HS2ST1: variants seen among roughly 807,000 people sequenced by gnomAD.
HS2ST1 encodes heparan sulfate 2-O-sulfotransferase 1.
HS2ST1 carries 18 observed loss-of-function variants against 42.9 expected under a neutral mutation model. That is an observed-to-expected ratio of 0.42 (90% confidence interval 0.29 to 0.62). The LOEUF (loss-of-function observed/expected upper bound fraction) is 0.62. Ranked by LOEUF, HS2ST1 falls within the 20% of genes least tolerant of loss-of-function variation. The pLI, the probability that HS2ST1 is intolerant of heterozygous loss-of-function variation, is 0.21. For missense variants in HS2ST1, 334 were observed against 433.8 expected, an observed-to-expected ratio of 0.77 and a Z score of 2.04; for synonymous variants, 146 against 152.9, an observed-to-expected ratio of 0.95 and a Z score of 0.33.
intron 1 of HS2ST1, among the ~76,000 whole-genome samples, chr1:87,035,331 A>G (rs1386924736): frequency 2.0e-5 from 3 of 152,222 alleles, no homozygotes; most frequent in African/African-American, 7.2e-5. Context: ...TAGTACTTCT[A>G]ATTATTCTTT....
chr1:86,943,890 G>A (rs528495507), intron 1 of HS2ST1, among the ~76,000 whole-genome samples: 41 of 152,168 alleles, frequency 2.7e-4, no homozygotes, highest in African/African-American at 9.2e-4. Flanking sequence ...GCTGGGCATG[G>A]TGGCGGGTGC....
chr1:87,065,151 A>G lies in HS2ST1; in HGVS notation c.125-7783A>G, dbSNP rs75987610. Reference sequence around the variant, plus strand: ...CCTCACAACAGCTTTCTTTTGGTGCATCTGTATTGCTCACTATTCCTCATT... The same window carrying G: ...CCTCACAACAGCTTTCTTTTGGTGCGTCTGTATTGCTCACTATTCCTCATT... On this transcript the variant is annotated intron_variant, in intron 1 of 6. Transcript: ENST00000370550. Among the ~76,000 whole-genome samples the G allele has an allele frequency of 8.6e-3, 1,309 of 152,322 alleles. 22 individuals are homozygous for G. The highest frequency in any genetic ancestry group is 0.03 in the African/African-American group (1,234 of 41,570).
At chr1:86,918,682 A>G (rs1406326364) in intron 1 of HS2ST1, among the ~76,000 whole-genome samples, 5 of 151,990 alleles carry the variant, frequency 3.3e-5, no homozygotes, top group Admixed American at 3.3e-4. Flanking sequence ...CTACTTTTCA[A>G]CATTTTTTTG....
chr1:86,966,089 T>G (rs575603813), intron 1 of HS2ST1, among the ~76,000 whole-genome samples: 2 of 152,214 alleles, frequency 1.3e-5, no homozygotes, highest in Non-Finnish European at 2.9e-5. Context: ...AGGGTATTTT[T>G]TGGTTGTCAT....
intron 1 of HS2ST1, among the ~76,000 whole-genome samples, chr1:86,985,523 T>TATATACACAC (rs1648754196): frequency 6.2e-5 from 1 of 16,106 alleles, no homozygotes; most frequent in African/African-American, 1.0e-4. Context: ...TATATACACA[T>TATATACACAC]ATATATACAT....
rs149295319 is a variant in HS2ST1 at position 86,927,309 on chromosome 1, A to T, written c.124+12149A>T. On this transcript the variant is annotated intron_variant, in intron 1 of 6. Coordinates refer to ENST00000370550, the MANE Select transcript of HS2ST1 (RefSeq NM_012262.4). ...ATAGTCCTCAGATCTTCAACGTGGC[A>T]TGGCACAATTCTTGCTAAAGGTAGT... Among the ~76,000 whole-genome samples the T allele has an allele frequency of 3.1e-3, 476 of 152,296 alleles. 1 individual carries two copies. The highest frequency in any genetic ancestry group is 0.011 in the African/African-American group (449 of 41,574).
intron 1 of HS2ST1, among the ~76,000 whole-genome samples, chr1:87,003,094 G>A (rs945715308): frequency 1.2e-4 from 18 of 152,222 alleles, no homozygotes; most frequent in African/African-American, 3.6e-4. Context: ...AGAAGATGGC[G>A]TCTGTAATAA....
chr1:86,993,476 T>A (rs1001129640), intron 1 of HS2ST1, among the ~76,000 whole-genome samples: 3 of 152,184 alleles, frequency 2.0e-5, no homozygotes, highest in African/African-American at 7.2e-5. Context: ...ACCCTCTCCT[T>A]AGAGGCTTTG....
intron 1 of HS2ST1, among the ~76,000 whole-genome samples, chr1:86,961,558 G>A (rs1460577209): frequency 1.3e-5 from 2 of 152,066 alleles, no homozygotes; most frequent in African/African-American, 4.8e-5. Flanking sequence ...CATTTTCTAA[G>A]TCTTTAAATT....
intron 1 of HS2ST1, among the ~76,000 whole-genome samples, chr1:86,937,913 C>T (rs377688858): frequency 3.9e-5 from 6 of 152,148 alleles, no homozygotes; most frequent in East Asian, 3.9e-4. Context: ...ATCACACTTG[C>T]GCTTACAGAT....
At chr1:86,977,832 C>T (rs146067666) in intron 1 of HS2ST1, among the ~76,000 whole-genome samples, 102 of 152,172 alleles carry the variant, frequency 6.7e-4, no homozygotes, top group African/African-American at 1.8e-3. Context: ...TATAAAGATA[C>T]GGAGAACATG....
chr1:86,985,947 C>T (rs984774736), intron 1 of HS2ST1, among the ~76,000 whole-genome samples: 3 of 150,756 alleles, frequency 2.0e-5, no homozygotes, highest in Admixed American at 2.0e-4. Context: ...ACAAATTATT[C>T]TTCTTTTATA....
intron 3 of HS2ST1, among the ~76,000 whole-genome samples, chr1:87,086,825 GTTC>G (rs141352581): frequency 0.095 from 14,417 of 151,514 alleles, 854 homozygotes; most frequent in East Asian, 0.3. Context: ...ATATTTCCTA[GTTC>G]TTCTTCCTTT....
chr1:87,103,996 T>C (rs988265682), intron 6 of HS2ST1, among the ~76,000 whole-genome samples: 1 of 152,202 alleles, frequency 6.6e-6, no homozygotes, highest in Non-Finnish European at 1.5e-5. Context: ...AATTGTGTTT[T>C]TGTTTTGTTT....
At chr1:87,103,235 T>C (rs1191859613) in intron 5 of HS2ST1, among the ~76,000 whole-genome samples, 197 bp from the exon 6 acceptor site, 14 of 152,176 alleles carry the variant, frequency 9.2e-5, no homozygotes, top group African/African-American at 3.4e-4. Flanking sequence ...TTAGCACTCA[T>C]AGTTGAGCAG....
intron 1 of HS2ST1, among the ~76,000 whole-genome samples, chr1:86,937,957 A>G (rs1292965933): frequency 6.6e-6 from 1 of 152,110 alleles, no homozygotes; most frequent in African/African-American, 2.4e-5. Flanking sequence ...AAAATGCATT[A>G]TATTTTTGTC....
intron 1 of HS2ST1, among the ~76,000 whole-genome samples, chr1:87,051,807 A>G (rs1240679822): frequency 6.6e-6 from 1 of 152,238 alleles, no homozygotes; most frequent in African/African-American, 2.4e-5. Flanking sequence ...CACAAGACAA[A>G]TGCAAAGGAA....
intron 1 of HS2ST1, among the ~76,000 whole-genome samples, chr1:87,062,426 G>T (rs1243972607): frequency 6.6e-6 from 1 of 151,782 alleles, no homozygotes; most frequent in Admixed American, 6.6e-5. Flanking sequence ...TACCAATTCA[G>T]GTGAAGTATA....
intron 1 of HS2ST1, among the ~76,000 whole-genome samples, chr1:87,005,146 T>A (rs923859751): frequency 2.0e-5 from 3 of 152,226 alleles, no homozygotes; most frequent in African/African-American, 7.2e-5. Context: ...TGATATCTTT[T>A]GCTATGAATC....
Sources: allele counts gnomAD v4.1 joint callset (sites outside exome capture counted in the v4.1 genomes callset), GRCh38; gene constraint gnomAD v4.1.1; transcripts MANE v1.5; gene names NCBI Gene and HGNC (gene_info 2026-07-23, HGNC 2026-07-21).